The following SORCS2 variants were observed in gnomAD, a reference collection of about 807,000 sequenced individuals.
The protein encoded by SORCS2 is sortilin related VPS10 domain containing receptor 2.
A neutral mutation model predicts 141.6 loss-of-function variants in SORCS2; 100 were observed. The observed-to-expected ratio is 0.71, with a 90% CI of 0.60 to 0.83. The LOEUF is 0.83. Among genes scored for constraint, SORCS2 ranks in the 40% least tolerant of loss-of-function variants. The pLI, the probability that SORCS2 is intolerant of heterozygous loss-of-function variation, is 0.00. For synonymous variants in SORCS2, 789 were observed against 676.9 expected, an observed-to-expected ratio of 1.17 and a Z score of -2.57; for missense variants, 1,646 against 1,560.2, an observed-to-expected ratio of 1.05 and a Z score of -0.93.
intron 1 of SORCS2, among the ~76,000 whole-genome samples, chr4:7,289,438 G>A (rs1716464140): frequency 6.6e-6 from 1 of 152,204 alleles, no homozygotes; most frequent in Non-Finnish European, 1.5e-5. Context: ...TGCAGAGCCT[G>A]CCACCCTGCC....
intron 2 of SORCS2, among the ~76,000 whole-genome samples, chr4:7,446,144 G>T (rs1727977783): frequency 6.6e-6 from 1 of 151,038 alleles, no homozygotes; most frequent in African/African-American, 2.4e-5. Flanking sequence ...CAGACTGGGG[G>T]TTGGAGGGAT....
chr4:7,628,910 G>A (rs947332472), intron 3 of SORCS2, among the ~76,000 whole-genome samples: 5 of 152,184 alleles, frequency 3.3e-5, no homozygotes, highest in African/African-American at 4.8e-5. Flanking sequence ...TAATATAAAA[G>A]GATGTTTTCA....
intron 1 of SORCS2, among the ~76,000 whole-genome samples, chr4:7,295,366 A>G (rs1195676729): frequency 1.3e-5 from 2 of 151,576 alleles, no homozygotes; most frequent in African/African-American, 2.4e-5. Flanking sequence ...CGCAGCAGGC[A>G]GCACCCTGAG....
intron 3 of SORCS2, among the ~76,000 whole-genome samples, chr4:7,576,894 A>G (rs1715787944): frequency 6.6e-6 from 1 of 152,182 alleles, no homozygotes; most frequent in South Asian, 2.1e-4. Flanking sequence ...GTTCTATTCA[A>G]TTTTACCATC....
At chr4:7,526,692 G>A (rs1403794151) in intron 2 of SORCS2, among the ~76,000 whole-genome samples, 6 of 152,268 alleles carry the variant, frequency 3.9e-5, no homozygotes, top group Admixed American at 2.0e-4. Flanking sequence ...GCGTCAGGGC[G>A]GCCTCCCTCA....
intron 10 of SORCS2, among the ~76,000 whole-genome samples, 196 bp from the exon 11 acceptor site, chr4:7,689,290 T>C (rs1577076713): frequency 6.9e-6 from 1 of 143,908 alleles, no homozygotes; most frequent in African/African-American, 2.4e-5. Context: ...CTGCTGAAGC[T>C]TCCCTTGTAC....
intron 15 of SORCS2, among the ~76,000 whole-genome samples, chr4:7,713,195 A>T (rs372555837): frequency 1.5e-4 from 23 of 152,070 alleles, no homozygotes; most frequent in African/African-American, 4.6e-4. Flanking sequence ...CATACATGAC[A>T]TTGGGGTCTG....
At chr4:7,697,757 A>G (rs1394683623) in intron 12 of SORCS2, among the ~76,000 whole-genome samples, 2 of 148,900 alleles carry the variant, frequency 1.3e-5, no homozygotes, top group Non-Finnish European at 3.0e-5. Context: ...GTGAAAGAGA[A>G]TATGGGGGGA....
chr4:7,590,842 G>T (rs1422737798), intron 3 of SORCS2, among the ~76,000 whole-genome samples: 1 of 152,222 alleles, frequency 6.6e-6, no homozygotes, highest in Non-Finnish European at 1.5e-5. Flanking sequence ...GGACAAATGT[G>T]TCTTGTGTTA....
At chr4:7,250,132 C>T (rs1160843149) in intron 1 of SORCS2, among the ~76,000 whole-genome samples, 2 of 152,174 alleles carry the variant, frequency 1.3e-5, no homozygotes, top group Non-Finnish European at 2.9e-5. Flanking sequence ...GTCCCAGCTT[C>T]TCAGGAGGCT....
chr4:7,338,752 G>A (rs887473075), intron 1 of SORCS2, among the ~76,000 whole-genome samples: 3 of 152,218 alleles, frequency 2.0e-5, no homozygotes, highest in African/African-American at 7.2e-5. Flanking sequence ...CTCCATCACA[G>A]TTGGAAACCA....
chr4:7,629,304 A>G (rs796656871), intron 3 of SORCS2, among the ~76,000 whole-genome samples: 10 of 152,360 alleles, frequency 6.6e-5, no homozygotes, highest in African/African-American at 2.2e-4. Context: ...CCAGCCACAC[A>G]GCCTCCGGGA....
chr4:7,621,179 G>A (rs1577852398), intron 3 of SORCS2, among the ~76,000 whole-genome samples: 1 of 152,156 alleles, frequency 6.6e-6, no homozygotes, highest in Non-Finnish European at 1.5e-5. Flanking sequence ...GTGGCAGCCC[G>A]CCCAGCCCTG....
intron 2 of SORCS2, chr4:7,433,496 C>A: frequency 6.3e-7 from 1 of 1,597,354 alleles, no homozygotes; most frequent in Non-Finnish European, 8.5e-7. Context: ...TTCTTGCACA[C>A]AGCCACGGGG....
In SORCS2 at chr4:7,640,039, ATG is replaced by A. The variant is rs530414458; in HGVS notation, c.813+1552_813+1553del. 5.3e-4 allele frequency among the ~76,000 whole-genome samples: 70 copies of A among 133,130 alleles called. 1 individual carries two copies. In the South Asian group the frequency reaches 0.016, roughly 31 times the overall value. 87.3% of individuals were successfully genotyped at this position (133,130 alleles called of 152,430 possible). A position where few individuals can be genotyped will look rare whatever the true frequency, so the allele number is the denominator to read the frequency against. On this transcript the variant is annotated intron_variant, in intron 4 of 26. Coordinates refer to ENST00000507866, the MANE Select transcript of SORCS2 (RefSeq NM_020777.3). ...TGTGGGAGTGTGTACGTGAGTGTGC[ATG>A]TGTGAGAGTGTGAGTGTGTGTGTTT...
chr4:7,669,081 A>C (rs1161752822), intron 8 of SORCS2, among the ~76,000 whole-genome samples: 1 of 152,240 alleles, frequency 6.6e-6, no homozygotes, highest in African/African-American at 2.4e-5. Context: ...ATTTGCAGGA[A>C]GCACCAGGTC....
intron 1 of SORCS2, among the ~76,000 whole-genome samples, chr4:7,278,573 C>T (rs1265775514): frequency 3.9e-5 from 6 of 152,180 alleles, no homozygotes; most frequent in South Asian, 2.1e-4. Context: ...GCAGTGGTAG[C>T]GTGCCCAGTG....
At chr4:7,676,898 C>A (rs1383268323) in intron 9 of SORCS2, among the ~76,000 whole-genome samples, 6 of 18,188 alleles carry the variant, frequency 3.3e-4, no homozygotes, top group African/African-American at 7.2e-4. Context: ...TGGCCTCTCT[C>A]TCTCTCTCCC....
intron 2 of SORCS2, among the ~76,000 whole-genome samples, chr4:7,429,018 T>C (rs1340956459): frequency 2.0e-5 from 3 of 152,008 alleles, no homozygotes; most frequent in African/African-American, 7.3e-5. Context: ...TGGATAGGGA[T>C]GTGGGGCTGC....
Sources: gnomAD v4.1 joint callset for allele counts (sites outside exome capture counted in the v4.1 genomes callset) on GRCh38, gnomAD v4.1.1 for gene constraint, MANE v1.5 for transcripts, NCBI Gene and HGNC (gene_info 2026-07-23, HGNC 2026-07-21) for gene names.